PACS1: variants seen among roughly 807,000 people sequenced by gnomAD.
PACS1 encodes phosphofurin acidic cluster sorting protein 1.
In PACS1, 24 loss-of-function variants were observed where a neutral mutation model predicts 115.0. The observed-to-expected ratio is 0.21, with a 90% CI of 0.15 to 0.29. PACS1 has a LOEUF of 0.29. Among genes scored for constraint, PACS1 ranks in the 10% least tolerant of loss-of-function variants. The probability of loss-of-function intolerance (pLI) is 1.00; values close to 1 mark genes in which losing one functional copy is unlikely to be tolerated. For missense variants in PACS1, 838 were observed against 1,251.2 expected (o/e 0.67, Z 4.98); for synonymous variants, 453 against 504.5 (o/e 0.90, Z 1.37).
At position 66,163,052 on chromosome 11, in the gene PACS1, A is replaced by G. The variant is rs1008783979; in HGVS notation, c.357-30434A>G. 2.0e-5 allele frequency among the ~76,000 whole-genome samples: 3 copies of G among 152,130 alleles called. No homozygotes were observed. The East Asian group carries it at 5.8e-4, about 29-fold the overall frequency. On this transcript the variant is annotated intron_variant, in intron 1 of 23. Transcript: ENST00000320580. ...AAAAGTTTATTGCAGTTTCTCCTTA[A>G]AAATAGTTACTGGTGGCCGGGTGTG...
chr11:66,084,841 C>G (rs538745790), intron 1 of PACS1, among the ~76,000 whole-genome samples: 10 of 152,166 alleles, frequency 6.6e-5, no homozygotes, highest in African/African-American at 2.4e-4. Flanking sequence ...TCCACTTTTA[C>G]CATTTGTAAT....
chr11:66,227,908 G>A lies in PACS1; in HGVS notation c.1374+324G>A, dbSNP rs550059680. On this transcript the variant is annotated intron_variant, in intron 11 of 23. Transcript: ENST00000320580. Reference sequence around the variant, plus strand: ...CCTGGAAAATCATCCCTTCCTCATTGGATGTTGCTGTTTCCGTGGCCAGGC... The same window carrying A: ...CCTGGAAAATCATCCCTTCCTCATTAGATGTTGCTGTTTCCGTGGCCAGGC... Among the ~76,000 whole-genome samples, 8 of 152,204 alleles carry A rather than the reference G, an allele frequency of 5.3e-5. No individual in the cohort carries two copies. The East Asian group carries it at 1.4e-3, about 26-fold the overall frequency.
intron 1 of PACS1, among the ~76,000 whole-genome samples, chr11:66,111,710 C>T (rs996516388): frequency 6.6e-6 from 1 of 152,142 alleles, no homozygotes; most frequent in Admixed American, 6.6e-5. Flanking sequence ...AGTGCAGTAG[C>T]GTGATCTCTG....
chr11:66,221,185 T>C lies in PACS1; in HGVS notation c.1231T>C (p.Ser411Pro). 1.2e-6 allele frequency: 2 copies of C among 1,614,114 alleles called. No homozygotes were observed. Among genetic ancestry groups the C allele is most frequent in the Non-Finnish European group, 1.7e-6 (2 of 1,180,022 alleles). ...CTTTGAGGGGATGTCGCAGTCCAGC[T>C]CCCAGACGGAGATTGGCAGCCTCAA... ...PFFEGMSQSS[S>P]QTEIGSLNSK... Residue 411 changes from serine (S) to proline (P), a missense_variant, in exon 10 of 24, where the codon TCC becomes CCC. Ser to Pro is a moderately conservative substitution (Grantham distance 74). Around this residue, in one of 6 missense-constraint regions of PACS1, gnomAD observed 383 missense variants for 537.0 expected, o/e 0.71. Transcript: ENST00000320580.
chr11:66,146,610 G>GA (rs1410018070), intron 1 of PACS1, among the ~76,000 whole-genome samples: 5 of 152,142 alleles, frequency 3.3e-5, no homozygotes, highest in African/African-American at 9.7e-5. Context: ...GAAAGGAGAA[G>GA]AAAGGGCAGA....
intron 4 of PACS1, among the ~76,000 whole-genome samples, chr11:66,212,423 C>T (rs1049146973): frequency 1.3e-5 from 2 of 150,642 alleles, no homozygotes; most frequent in Non-Finnish European, 3.0e-5. Context: ...TGAGCCACTG[C>T]GCCTGGCCTT....
At chr11:66,156,854 A>G (rs987088491) in intron 1 of PACS1, among the ~76,000 whole-genome samples, 6 of 74,638 alleles carry the variant, frequency 8.0e-5, no homozygotes, top group African/African-American at 1.6e-4. Context: ...CTCTGTCTCG[A>G]AAAAAAAAAA....
intron 19 of PACS1, chr11:66,238,379 G>A (rs989259243): frequency 1.2e-4 from 120 of 1,012,412 alleles, no homozygotes; most frequent in Non-Finnish European, 1.4e-4. Flanking sequence ...CCAGAGAAGA[G>A]CTGCAAAGTC....
chr11:66,137,791 GTT>G (rs1180048633), intron 1 of PACS1, among the ~76,000 whole-genome samples: 2 of 152,194 alleles, frequency 1.3e-5, no homozygotes, highest in Non-Finnish European at 2.9e-5. Context: ...AGTGCTTAGG[GTT>G]TTGGTTTCAG....
chr11:66,192,646 C>T (rs1298795136), intron 1 of PACS1, among the ~76,000 whole-genome samples: 3 of 152,212 alleles, frequency 2.0e-5, no homozygotes, highest in Non-Finnish European at 4.4e-5. Flanking sequence ...CAACATCCCT[C>T]ATGTGTACCG....
intron 1 of PACS1, among the ~76,000 whole-genome samples, chr11:66,159,729 G>A (rs901946077): frequency 2.0e-5 from 3 of 152,166 alleles, no homozygotes; most frequent in Non-Finnish European, 4.4e-5. Context: ...AGAAACAGTG[G>A]AAAAAGTCCA....
chr11:66,099,319 G>T (rs1260993150), intron 1 of PACS1, among the ~76,000 whole-genome samples: 1 of 152,138 alleles, frequency 6.6e-6, no homozygotes, highest in Non-Finnish European at 1.5e-5. Flanking sequence ...CGCCTCCCAG[G>T]TTCACTCCAT....
intron 1 of PACS1, among the ~76,000 whole-genome samples, chr11:66,091,488 ATTGTTG>A (rs915203706): frequency 7.0e-6 from 1 of 142,568 alleles, no homozygotes; most frequent in Non-Finnish European, 1.5e-5. Flanking sequence ...TTTTTTTCTC[ATTGTTG>A]TTGTTGTTGT....
At position 66,146,115 on chromosome 11, in the gene PACS1, AAAAC is replaced by A. The variant is rs1003737891; in HGVS notation, c.357-47365_357-47362del. Among the ~76,000 whole-genome samples, 4 of 152,196 alleles carry A rather than the reference AAAAC, an allele frequency of 2.6e-5. No homozygotes were observed. In the South Asian group the frequency reaches 6.2e-4, roughly 24 times the overall value. On this transcript the variant is annotated intron_variant, in intron 1 of 23. Transcript: ENST00000320580. ...TTATGTCTGTAAGGAATGGCTACAG[AAAAC>A]AAACAGAAAAACAAACACTAATGGG...
At chr11:66,142,745 A>G (rs1859025750) in intron 1 of PACS1, among the ~76,000 whole-genome samples, 1 of 151,942 alleles carries the variant, frequency 6.6e-6, no homozygotes, top group Non-Finnish European at 1.5e-5. Context: ...AGCATGGGCA[A>G]TGTCTCTACT....
intron 1 of PACS1, among the ~76,000 whole-genome samples, chr11:66,109,216 G>T (rs1436957038): frequency 6.6e-6 from 1 of 152,162 alleles, no homozygotes; most frequent in African/African-American, 2.4e-5. Flanking sequence ...TTTCAGAGAA[G>T]GGTGGTGAGT....
intron 1 of PACS1, among the ~76,000 whole-genome samples, chr11:66,175,216 G>A (rs1055614755): frequency 2.6e-5 from 4 of 152,104 alleles, no homozygotes; most frequent in Non-Finnish European, 5.9e-5. Flanking sequence ...AAACCAATAC[G>A]GTTTTGTTTT....
chr11:66,115,616 T>C (rs1310111890), intron 1 of PACS1, among the ~76,000 whole-genome samples: 2 of 152,268 alleles, frequency 1.3e-5, no homozygotes, highest in Non-Finnish European at 2.9e-5. Context: ...AGCCCTGCTT[T>C]TCAGCAAATA....
chr11:66,113,722 A>C (rs1040561562), intron 1 of PACS1, among the ~76,000 whole-genome samples: 3 of 152,182 alleles, frequency 2.0e-5, no homozygotes, highest in Non-Finnish European at 4.4e-5. Context: ...AGCTGTATAG[A>C]GATTTGATGA....
Sources: allele counts gnomAD v4.1 joint callset (sites outside exome capture counted in the v4.1 genomes callset), GRCh38; gene constraint gnomAD v4.1.1; regional missense constraint gnomAD v4.1.1; transcripts MANE v1.5; gene names NCBI Gene and HGNC (gene_info 2026-07-23, HGNC 2026-07-21).